The following PHEX variants were observed in gnomAD, a reference collection of about 807,000 sequenced individuals.
PHEX encodes the protein phosphate regulating endopeptidase X-linked.
In PHEX, 16 loss-of-function variants were observed where a neutral mutation model predicts 68.0. That is an observed-to-expected ratio of 0.24 (90% CI 0.16 to 0.36). PHEX has a LOEUF of 0.36. Among genes scored for constraint, PHEX ranks in the 10% least tolerant of loss-of-function variants. The pLI is 1.00. For synonymous variants in PHEX, 208 were observed against 205.1 expected, an observed-to-expected ratio of 1.01 and a Z score of -0.12; for missense variants, 480 against 575.5, an observed-to-expected ratio of 0.83 and a Z score of 1.70.
chrX:22,039,769 A>G (rs890427417), intron 2 of PHEX, among the ~76,000 whole-genome samples: 1 of 111,600 alleles, frequency 9.0e-6, no homozygotes, highest in Non-Finnish European at 1.9e-5. Flanking sequence ...GCCTGCTGGG[A>G]AAAACCAGCA....
At chrX:22,103,090 TG>T (rs1411802830) in intron 9 of PHEX, among the ~76,000 whole-genome samples, 1 of 111,457 alleles carries the variant, frequency 9.0e-6, no homozygotes, top group Non-Finnish European at 1.9e-5. Flanking sequence ...AGATTCTAAA[TG>T]GGGTCACCCT....
intron 16 of PHEX, among the ~76,000 whole-genome samples, chrX:22,213,627 A>T (rs1311356475): frequency 8.9e-6 from 1 of 112,060 alleles, no homozygotes; most frequent in African/African-American, 3.2e-5. Flanking sequence ...CAGAATTTCC[A>T]TACATAGTAG....
Position 22,235,865 on chromosome X carries a change from T to C in PHEX, c.2070+8254T>C, listed in dbSNP as rs1227729489. Among the ~76,000 whole-genome samples the C allele has an allele frequency of 5.4e-5, 6 of 111,376 alleles. No individual in the cohort carries two copies. The East Asian group carries it at 1.4e-3, about 26-fold the overall frequency. On this transcript the variant is annotated intron_variant, in intron 20 of 21. Transcript: ENST00000379374. ...TTTTTAACCACTGTTATACATACCATTGGAATACCACTTTTATTTCATTAC... is the reference window on the plus strand; with the variant it reads ...TTTTTAACCACTGTTATACATACCACTGGAATACCACTTTTATTTCATTAC...
chrX:22,225,897 G>A (rs1371110834), intron 18 of PHEX, among the ~76,000 whole-genome samples: 2 of 111,846 alleles, frequency 1.8e-5, no homozygotes, highest in African/African-American at 6.5e-5. Context: ...ACATATCGCA[G>A]ACCTCGACCT....
chrX:22,240,175 C>T (rs989325272), intron 20 of PHEX, among the ~76,000 whole-genome samples: 16 of 112,242 alleles, frequency 1.4e-4, no homozygotes, highest in African/African-American at 5.2e-4. Context: ...AAATCCTTTA[C>T]AGACAAGCAA....
chrX:22,110,332 G>A (rs997678034), intron 9 of PHEX, among the ~76,000 whole-genome samples: 2 of 112,216 alleles, frequency 1.8e-5, no homozygotes, highest in Non-Finnish European at 3.8e-5. Flanking sequence ...ATTGAACATT[G>A]AATACATGTG....
chrX:22,243,667 CAT>C (rs1280053156), intron 20 of PHEX, among the ~76,000 whole-genome samples: 13 of 112,553 alleles, frequency 1.2e-4, no homozygotes, highest in East Asian at 5.5e-4. Context: ...AGCCAACAAA[CAT>C]ATGAAAAATG....
rs1927571756 is a variant in PHEX, at chrX:22,047,095, A to G, written c.233A>G (p.Asp78Gly). 3.3e-6 allele frequency: 4 copies of G among 1,209,011 alleles called. No individual in the cohort carries two copies. The highest frequency in any genetic ancestry group is 4.5e-6 in the Non-Finnish European group (4 of 892,948). Reference protein sequence around the residue: ...SKVNLSVDPCDNFFRFACDGW... With the variant: ...SKVNLSVDPCGNFFRFACDGW... ...GTAAATCTGTCTGTGGATCCTTGTG[A>G]TAATTTCTTCCGGTTCGCTTGTGAT... is the stretch of plus-strand genomic sequence containing the variant. The change falls in exon 3 of 22, where the codon GAT (aspartate) becomes GGT (glycine). Residue 78 changes from aspartate (D) to glycine (G), a missense_variant. Coordinates refer to ENST00000379374, the MANE Select transcript of PHEX (RefSeq NM_000444.6).
chrX:22,229,259 T>C (rs1935622342), intron 20 of PHEX, among the ~76,000 whole-genome samples: 1 of 112,009 alleles, frequency 8.9e-6, no homozygotes, highest in African/African-American at 3.3e-5. Context: ...ATATACCCAG[T>C]AATGGGATGG....
At chrX:22,103,357 A>G (rs1930514135) in intron 9 of PHEX, among the ~76,000 whole-genome samples, 1 of 110,544 alleles carries the variant, frequency 9.0e-6, no homozygotes, top group Non-Finnish European at 1.9e-5. Flanking sequence ...GTTTGGTTGC[A>G]TGGAAAAATT....
At chrX:22,055,239 TA>T (rs1928045369) in intron 3 of PHEX, among the ~76,000 whole-genome samples, 1 of 43,831 alleles carries the variant, frequency 2.3e-5, no homozygotes, top group African/African-American at 1.1e-4. Flanking sequence ...AGATATGAAA[TA>T]TTCCCAACAC....
At chrX:22,113,943 C>CTTTTTTTTTTTTTTTTT (rs746349559) in intron 10 of PHEX, among the ~76,000 whole-genome samples, 2 of 63,979 alleles carry the variant, frequency 3.1e-5, no homozygotes, top group Non-Finnish European at 5.8e-5. Flanking sequence ...TCTTCTTCTT[C>CTTTTTTTTTTTTTTTTT]TTTTTTTTTT....
intron 12 of PHEX, among the ~76,000 whole-genome samples, chrX:22,141,406 C>A (rs958800461): frequency 2.7e-5 from 3 of 111,940 alleles, no homozygotes; most frequent in Non-Finnish European, 3.8e-5. Flanking sequence ...GTCTTGCATA[C>A]AAATTATATT....
intron 11 of PHEX, among the ~76,000 whole-genome samples, chrX:22,126,280 A>G (rs1161341749): frequency 8.9e-6 from 1 of 112,214 alleles, no homozygotes; most frequent in Non-Finnish European, 1.9e-5. Flanking sequence ...ACAATTAAAC[A>G]CACACCTATG....
chrX:22,157,309 C>T (rs1932979259), intron 12 of PHEX, among the ~76,000 whole-genome samples: 2 of 112,010 alleles, frequency 1.8e-5, no homozygotes, highest in South Asian at 7.4e-4. Context: ...CTGGACAACA[C>T]GGTGAAACCC....
At chrX:22,242,626 C>T (rs1291785736) in intron 20 of PHEX, among the ~76,000 whole-genome samples, 1 of 111,663 alleles carries the variant, frequency 9.0e-6, no homozygotes, top group Non-Finnish European at 1.9e-5. Context: ...CATTCCTATA[C>T]ACCAATAACA....
At chrX:22,247,823 A>T in intron 21 of PHEX, 28 bp from the exon 22 acceptor site, 3 of 980,543 alleles carry the variant, frequency 3.1e-6, no homozygotes, top group Non-Finnish European at 4.4e-6. Flanking sequence ...GAATTATATG[A>T]CATATGCTTT....
At chrX:22,143,359 A>G (rs112295979) in intron 12 of PHEX, among the ~76,000 whole-genome samples, 4,336 of 112,149 alleles carry the variant, frequency 0.039, 198 homozygotes, top group African/African-American at 0.12. Context: ...TGACTTGATC[A>G]TTACACATTC....
intron 9 of PHEX, among the ~76,000 whole-genome samples, chrX:22,105,435 G>C (rs1210658710): frequency 2.7e-5 from 3 of 112,000 alleles, no homozygotes; most frequent in Non-Finnish European, 5.6e-5. Flanking sequence ...AGCAGGTCTG[G>C]CGGTAAGGCC....
Sources: gnomAD v4.1 joint callset for allele counts (sites outside exome capture counted in the v4.1 genomes callset) on GRCh38, gnomAD v4.1.1 for gene constraint, MANE v1.5 for transcripts, NCBI Gene and HGNC (gene_info 2026-07-23, HGNC 2026-07-21) for gene names.